The following PAM variants were observed in gnomAD, a reference collection of about 807,000 sequenced individuals.
The protein encoded by PAM is peptidyl-glycine alpha-amidating monooxygenase.
PAM carries 72 observed loss-of-function variants against 122.1 expected under a neutral mutation model. The observed-to-expected ratio is 0.59, with a 90% confidence interval of 0.49 to 0.72. PAM has a LOEUF of 0.72. Among genes scored for constraint, PAM ranks in the 30% least tolerant of loss-of-function variants. PAM has a pLI of 0.00. For missense variants in PAM, 1,106 were observed against 1,183.7 expected (o/e 0.93, Z 0.96); for synonymous variants, 389 against 404.4 (o/e 0.96, Z 0.46).
chr5:103,017,116 C>T (rs1209816808), intron 21 of PAM, among the ~76,000 whole-genome samples: 1 of 152,002 alleles, frequency 6.6e-6, no homozygotes, highest in Admixed American at 6.6e-5. Context: ...TTAGCATTTC[C>T]CAATGTTTAG....
Position 102,931,818 on chromosome 5 carries a change from C to T in PAM, c.526+5150C>T, listed in dbSNP as rs188442231. Among the ~76,000 whole-genome samples, 155 of 152,070 alleles carry T rather than the reference C, an allele frequency of 1.0e-3. No individual in the cohort carries two copies. In the Middle Eastern group the frequency reaches 0.014, roughly 13 times the overall value. ...ACAACAAACAACACACTCTCTCTCT[C>T]TCTCTCTCTCTCTCTGTCTCTCTCG... is the stretch of plus-strand genomic sequence containing the variant. On this transcript the variant is annotated intron_variant, in intron 7 of 25. Coordinates refer to ENST00000438793, the MANE Select transcript of PAM (RefSeq NM_001177306.2).
intron 3 of PAM, among the ~76,000 whole-genome samples, chr5:102,874,829 A>G (rs1377383645): frequency 2.0e-5 from 3 of 152,150 alleles, no homozygotes; most frequent in Non-Finnish European, 4.4e-5. Context: ...CTTTACGTAC[A>G]TTGTCTCATT....
rs1562069196 is a variant in PAM at position 102,967,715 on chromosome 5, C to CA, written c.1163-6401_1163-6400insA. Among the ~76,000 whole-genome samples the CA allele has an allele frequency of 1.6e-4, 22 of 138,102 alleles. No homozygotes were observed. In the East Asian group the frequency reaches 4.8e-3, roughly 30 times the overall value. The allele number at this position is 138,102 out of a possible 152,430, so 90.6% of individuals were successfully genotyped here. On this transcript the variant is annotated intron_variant, in intron 14 of 25. Coordinates refer to ENST00000438793, the MANE Select transcript of PAM (RefSeq NM_001177306.2). ...TTTTTTCAAATCAAAGAAAACTAGGCCTTTTTTTTTTTTTTTTTGAGATGG... is the reference window on the plus strand; with the variant it reads ...TTTTTTCAAATCAAAGAAAACTAGGCACTTTTTTTTTTTTTTTTTGAGATGG...
At chr5:102,830,527 C>CTACA (rs1452452816) in intron 1 of PAM, among the ~76,000 whole-genome samples, 1 of 152,194 alleles carries the variant, frequency 6.6e-6, no homozygotes, top group African/African-American at 2.4e-5. Context: ...TCTCCTCTTA[C>CTACA]TACACCCTCA....
At chr5:102,761,841 T>A (rs879690417) in intron 1 of PAM, among the ~76,000 whole-genome samples, 1 of 152,248 alleles carries the variant, frequency 6.6e-6, no homozygotes, top group Non-Finnish European at 1.5e-5. Flanking sequence ...TTCTATAGTG[T>A]TTAAAGAAAA....
intron 5 of PAM, among the ~76,000 whole-genome samples, chr5:102,917,712 A>G (rs953947430): frequency 2.6e-5 from 4 of 152,158 alleles, no homozygotes; most frequent in Non-Finnish European, 5.9e-5. Context: ...GTTATAATTC[A>G]TCTTCTATCT....
chr5:102,818,496 G>A (rs1356566272), intron 1 of PAM, among the ~76,000 whole-genome samples: 4 of 151,990 alleles, frequency 2.6e-5, no homozygotes, highest in Non-Finnish European at 5.9e-5. Flanking sequence ...TCCCAGTGAC[G>A]TCTTGGTGGC....
intron 1 of PAM, among the ~76,000 whole-genome samples, chr5:102,848,420 C>T (rs900471194): frequency 2.6e-5 from 4 of 152,200 alleles, no homozygotes; most frequent in African/African-American, 9.6e-5. Context: ...TGGATGGATT[C>T]TTCCCTGGAT....
chr5:102,932,195 A>G (rs1018447857), intron 7 of PAM, among the ~76,000 whole-genome samples: 20 of 152,200 alleles, frequency 1.3e-4, no homozygotes, highest in Admixed American at 3.9e-4. Flanking sequence ...AAATCATTTT[A>G]GAATATATTA....
chr5:102,931,429 C>G (rs1561930575), intron 7 of PAM, among the ~76,000 whole-genome samples: 1 of 152,124 alleles, frequency 6.6e-6, no homozygotes, highest in Non-Finnish European at 1.5e-5. Flanking sequence ...CCCTCTCCCC[C>G]TTTTTTTGAC....
chr5:103,005,917 T>TTGTTGTTGTTGTTGTTGTTGC (rs1169932667), intron 18 of PAM, among the ~76,000 whole-genome samples: 1 of 145,360 alleles, frequency 6.9e-6, no homozygotes, highest in Non-Finnish European at 1.5e-5. Flanking sequence ...CTTGTTGTTG[T>TTGTTGTTGTTGTTGTTGTTGC]TGTTGTTGTT....
intron 1 of PAM, among the ~76,000 whole-genome samples, chr5:102,860,454 G>A (rs544963989): frequency 1.3e-5 from 2 of 152,268 alleles, no homozygotes; most frequent in East Asian, 1.9e-4. Context: ...AGGGCGAGGT[G>A]GGGGAATAGC....
chr5:102,925,548 G>C (rs558196888), intron 6 of PAM, among the ~76,000 whole-genome samples: 3 of 152,172 alleles, frequency 2.0e-5, no homozygotes, highest in Admixed American at 2.0e-4. Context: ...GGTGTGTGTG[G>C]GTCTGTTACA....
chr5:102,796,401 A>C (rs1220699866), intron 1 of PAM, among the ~76,000 whole-genome samples: 1 of 152,168 alleles, frequency 6.6e-6, no homozygotes, highest in Non-Finnish European at 1.5e-5. Flanking sequence ...AGTTTGGGCA[A>C]TGAGATTGGA....
intron 1 of PAM, among the ~76,000 whole-genome samples, chr5:102,794,702 C>T (rs949032698): frequency 9.9e-5 from 15 of 152,060 alleles, no homozygotes; most frequent in Non-Finnish European, 1.6e-4. Flanking sequence ...AAATATAGAA[C>T]ATTTACATGT....
intron 12 of PAM, among the ~76,000 whole-genome samples, chr5:102,956,314 T>C (rs1189062782): frequency 6.6e-6 from 1 of 152,178 alleles, no homozygotes; most frequent in East Asian, 1.9e-4. Flanking sequence ...TGTACACACA[T>C]ACATATATGT....
At chr5:102,874,070 T>A (rs72783878) in intron 3 of PAM, among the ~76,000 whole-genome samples, 5 of 152,308 alleles carry the variant, frequency 3.3e-5, no homozygotes, top group Non-Finnish European at 5.9e-5. Context: ...GAAACTAATA[T>A]TATCTTCATT....
chr5:102,875,473 T>G (rs1224249737), intron 3 of PAM, among the ~76,000 whole-genome samples: 1 of 152,110 alleles, frequency 6.6e-6, no homozygotes, highest in Non-Finnish European at 1.5e-5. Flanking sequence ...GGATTACAGG[T>G]GTGGGCCACT....
intron 12 of PAM, among the ~76,000 whole-genome samples, chr5:102,957,687 G>A (rs929480834): frequency 2.6e-5 from 4 of 151,958 alleles, no homozygotes; most frequent in Non-Finnish European, 4.4e-5. Flanking sequence ...CTGCCACTGC[G>A]CCCAGCTAAT....
Sources: allele counts gnomAD v4.1 joint callset (sites outside exome capture counted in the v4.1 genomes callset), GRCh38; gene constraint gnomAD v4.1.1; transcripts MANE v1.5; gene names NCBI Gene and HGNC (gene_info 2026-07-23, HGNC 2026-07-21).